CTTNBP2: variants seen among roughly 807,000 people sequenced by gnomAD.
CTTNBP2 encodes the protein cortactin binding protein 2, also known as cortactin-binding protein 2.
A neutral mutation model predicts 156.9 loss-of-function variants in CTTNBP2; 108 were observed. That is an observed-to-expected ratio of 0.69 (90% CI 0.59 to 0.81). The LOEUF (loss-of-function observed/expected upper bound fraction) is 0.81, where lower values mean the gene tolerates loss of function less well. Ranked by LOEUF, CTTNBP2 falls within the 30% of genes least tolerant of loss-of-function variation. CTTNBP2 has a pLI of 0.00. For missense variants in CTTNBP2, 1,924 were observed against 2,035.4 expected (o/e 0.95, Z 1.05); for synonymous variants, 767 against 751.8 (o/e 1.02, Z -0.33).
At chr7:117,746,957 G>A (rs533305528) in intron 12 of CTTNBP2, among the ~76,000 whole-genome samples, 2 of 152,148 alleles carry the variant, frequency 1.3e-5, no homozygotes, top group African/African-American at 4.8e-5. Flanking sequence ...TCTACACAGG[G>A]CAAAGGCAGC....
intron 10 of CTTNBP2, among the ~76,000 whole-genome samples, chr7:117,759,701 T>C (rs896650125): frequency 2.6e-5 from 4 of 152,340 alleles, no homozygotes; most frequent in Middle Eastern, 3.4e-3. Flanking sequence ...ACTAGTTCTG[T>C]GCTCTCAAGC....
chr7:117,776,441 C>A (rs1798103213), intron 8 of CTTNBP2, among the ~76,000 whole-genome samples: 1 of 152,158 alleles, frequency 6.6e-6, no homozygotes, highest in African/African-American at 2.4e-5. Flanking sequence ...AAACTCCTTG[C>A]TATGTCATTG....
intron 19 of CTTNBP2, among the ~76,000 whole-genome samples, chr7:117,723,351 T>C (rs2116403950): frequency 6.6e-6 from 1 of 152,190 alleles, no homozygotes; most frequent in East Asian, 1.9e-4. Context: ...AAAATGAAAA[T>C]ATACTCATAA....
intron 3 of CTTNBP2, among the ~76,000 whole-genome samples, chr7:117,796,961 G>A (rs1374436038): frequency 6.6e-6 from 1 of 152,156 alleles, no homozygotes; most frequent in Non-Finnish European, 1.5e-5. Flanking sequence ...TGATTTAAAG[G>A]CTCTTGAGAG....
At chr7:117,757,065 C>T (rs1418598246) in intron 11 of CTTNBP2, among the ~76,000 whole-genome samples, 1 of 152,180 alleles carries the variant, frequency 6.6e-6, no homozygotes, top group Non-Finnish European at 1.5e-5. Context: ...TGGCAATACT[C>T]GCCACCCCTC....
At chr7:117,719,416 AG>A (rs764465645) in intron 21 of CTTNBP2, 87 bp downstream of exon 21, 4 of 1,246,478 alleles carry the variant, frequency 3.2e-6, no homozygotes, top group Non-Finnish European at 4.4e-6. Context: ...ACTATCAATA[AG>A]GAATTTCTTT....
rs537245747 is a variant in CTTNBP2 at position 117,795,750 on chromosome 7, C to T, written c.415-2969G>A. Among the ~76,000 whole-genome samples, 50 of 152,302 alleles carry T rather than the reference C, an allele frequency of 3.3e-4. No individual in the cohort carries two copies. In the South Asian group the frequency reaches 3.5e-3, roughly 11 times the overall value. On this transcript the variant is annotated intron_variant, in intron 3 of 22. Coordinates refer to ENST00000160373, the MANE Select transcript of CTTNBP2 (RefSeq NM_033427.3). ...TACTATTATAAAAGCATCTGTAATT[C>T]TTTTCTATCTTTGTCCTCCATCACT...
chr7:117,746,728 A>G (rs1439231122), intron 12 of CTTNBP2, among the ~76,000 whole-genome samples: 1 of 152,294 alleles, frequency 6.6e-6, no homozygotes, highest in African/African-American at 2.4e-5. Context: ...AGATGTTTTG[A>G]TGAGTATAAA....
At chr7:117,763,555 CTTTTTTTTTTTTT>C (rs767309488) in intron 9 of CTTNBP2, among the ~76,000 whole-genome samples, 3 of 103,438 alleles carry the variant, frequency 2.9e-5, no homozygotes, top group South Asian at 3.3e-4. Context: ...TCTTCTTCTT[CTTTTTTTTTTTTT>C]TTTTTTTTTT....
intron 2 of CTTNBP2, among the ~76,000 whole-genome samples, chr7:117,824,901 G>A (rs1327628808): frequency 4.6e-5 from 7 of 152,254 alleles, no homozygotes; most frequent in South Asian, 4.2e-4. Flanking sequence ...TAAATGTTAC[G>A]TTATCTTCCT....
intron 2 of CTTNBP2, among the ~76,000 whole-genome samples, chr7:117,825,978 C>G (rs1407232970): frequency 6.6e-6 from 1 of 152,138 alleles, no homozygotes; most frequent in Non-Finnish European, 1.5e-5. Context: ...ATTTAGAACT[C>G]CCAGCTGCAG....
At chr7:117,841,528 C>G (rs934884508) in intron 2 of CTTNBP2, among the ~76,000 whole-genome samples, 3 of 152,016 alleles carry the variant, frequency 2.0e-5, no homozygotes, top group Non-Finnish European at 4.4e-5. Context: ...TATACATGTG[C>G]CAGAAAGTTA....
At chr7:117,786,763 A>AG (rs1798724649) in intron 4 of CTTNBP2, among the ~76,000 whole-genome samples, 1 of 152,036 alleles carries the variant, frequency 6.6e-6, no homozygotes, top group Admixed American at 6.6e-5. Flanking sequence ...TTTTGAGGGG[A>AG]GGAGACAGTT....
chr7:117,724,837 T>C, intron 18 of CTTNBP2, 105 bp from the exon 19 acceptor site: 1 of 1,349,248 alleles, frequency 7.4e-7, no homozygotes, highest in Non-Finnish European at 1.0e-6. Context: ...ATGCATTTAT[T>C]TAGTATCCAA....
intron 4 of CTTNBP2, among the ~76,000 whole-genome samples, chr7:117,788,124 A>G (rs1376081274): frequency 6.6e-6 from 1 of 152,126 alleles, no homozygotes; most frequent in Non-Finnish European, 1.5e-5. Flanking sequence ...ACAGGCACAC[A>G]CTACCATGCC....
At chr7:117,814,181 A>G (rs1027580642) in intron 2 of CTTNBP2, among the ~76,000 whole-genome samples, 14 of 152,184 alleles carry the variant, frequency 9.2e-5, no homozygotes, top group Non-Finnish European at 1.5e-5. Context: ...TGAGAGGTAA[A>G]TACATATATC....
At chr7:117,842,201 G>A (rs532796604) in intron 2 of CTTNBP2, among the ~76,000 whole-genome samples, 13 of 152,056 alleles carry the variant, frequency 8.5e-5, no homozygotes, top group East Asian at 7.7e-4. Context: ...AAACTGCTCC[G>A]AAAAAGTCTT....
intron 7 of CTTNBP2, 123 bp downstream of exon 7, chr7:117,780,318 A>C: frequency 6.3e-6 from 4 of 633,048 alleles, no homozygotes; most frequent in Non-Finnish European, 1.0e-5. Context: ...CACTTTCCAA[A>C]TCCTACAAGC....
chr7:117,720,235 T>C (rs1245222524), intron 20 of CTTNBP2, among the ~76,000 whole-genome samples: 4 of 152,146 alleles, frequency 2.6e-5, no homozygotes, highest in Non-Finnish European at 5.9e-5. Context: ...CCAGCGGACA[T>C]GATCCTAAAT....
Sources: gnomAD v4.1 joint callset for allele counts (sites outside exome capture counted in the v4.1 genomes callset) on GRCh38, gnomAD v4.1.1 for gene constraint, MANE v1.5 for transcripts, NCBI Gene and HGNC (gene_info 2026-07-23, HGNC 2026-07-21) for gene names.